CSMD1: variants seen among roughly 807,000 people sequenced by gnomAD.
The protein encoded by CSMD1 is CUB and Sushi multiple domains 1, also known as CUB and sushi domain-containing protein 1.
A neutral mutation model predicts 417.5 loss-of-function variants in CSMD1; 213 were observed. That is an observed-to-expected ratio of 0.51 (90% CI 0.46 to 0.57). The LOEUF (loss-of-function observed/expected upper bound fraction) is 0.57, where lower values mean the gene tolerates loss of function less well. Among genes scored for constraint, CSMD1 ranks in the 20% least tolerant of loss-of-function variants. The pLI, the probability that CSMD1 is intolerant of heterozygous loss-of-function variation, is 0.00. For missense variants in CSMD1, 6,923 were observed against 4,529.7 expected, an observed-to-expected ratio of 1.53 and a Z score of -15.17; for synonymous variants, 2,862 against 1,736.8, an observed-to-expected ratio of 1.65 and a Z score of -16.11.
chr8:4,344,523 A>AAT (rs1426373037), intron 3 of CSMD1, among the ~76,000 whole-genome samples: 2 of 151,080 alleles, frequency 1.3e-5, no homozygotes, highest in Admixed American at 6.6e-5. Context: ...GATTGTCAGA[A>AAT]ATATATATAA....
chr8:4,411,539 T>C (rs551784393), intron 3 of CSMD1, among the ~76,000 whole-genome samples: 2 of 152,322 alleles, frequency 1.3e-5, no homozygotes, highest in Non-Finnish European at 2.9e-5. Flanking sequence ...CTTAACTCTA[T>C]AGTATTCATT....
chr8:4,529,474 T>A (rs1046356567), intron 2 of CSMD1, among the ~76,000 whole-genome samples: 3 of 152,324 alleles, frequency 2.0e-5, no homozygotes, highest in African/African-American at 7.2e-5. Flanking sequence ...ACTCATAAAA[T>A]TTAATGATTT....
intron 25 of CSMD1, among the ~76,000 whole-genome samples, chr8:3,295,959 C>G (rs560502108): frequency 2.0e-5 from 3 of 152,134 alleles, no homozygotes; most frequent in Admixed American, 1.3e-4. Context: ...TTGAGTCCTG[C>G]CTTCGTGGAG....
At chr8:4,166,559 G>T (rs1197833492) in intron 3 of CSMD1, among the ~76,000 whole-genome samples, 2 of 152,150 alleles carry the variant, frequency 1.3e-5, no homozygotes, top group African/African-American at 2.4e-5. Context: ...AAGCAATGAG[G>T]ATACAAAGGC....
At chr8:3,405,243 T>A (rs186193736) in intron 15 of CSMD1, among the ~76,000 whole-genome samples, 315 of 152,330 alleles carry the variant, frequency 2.1e-3, no homozygotes, top group African/African-American at 6.5e-3. Context: ...TTAAGTTTTT[T>A]AAAAATATTT....
At chr8:3,263,833 T>C (rs375839518) in intron 26 of CSMD1, among the ~76,000 whole-genome samples, 2 of 152,244 alleles carry the variant, frequency 1.3e-5, no homozygotes, top group Non-Finnish European at 2.9e-5. Flanking sequence ...ATGTGAAGAT[T>C]AGACATCTGT....
At chr8:3,013,715 G>T (rs117859690) in intron 52 of CSMD1, among the ~76,000 whole-genome samples, 2,324 of 149,912 alleles carry the variant, frequency 0.016, 23 homozygotes, top group East Asian at 0.038. Flanking sequence ...TCACACCACT[G>T]CACTCAGCCT....
intron 1 of CSMD1, among the ~76,000 whole-genome samples, chr8:4,900,637 C>A (rs10089208): frequency 0.032 from 4,876 of 152,244 alleles, 170 homozygotes; most frequent in East Asian, 0.11. Context: ...GCTGTTCATC[C>A]AGCTCCTGTA....
At chr8:3,780,458 T>C (rs2623662) in intron 5 of CSMD1, among the ~76,000 whole-genome samples, 43,123 of 152,116 alleles carry the variant, frequency 0.28, 6,761 homozygotes, top group East Asian at 0.46. Flanking sequence ...ACAACTTTAA[T>C]GGTTCAAAAT....
intron 1 of CSMD1, among the ~76,000 whole-genome samples, chr8:4,761,912 AATCT>A (rs60693169): frequency 0.045 from 4,542 of 100,928 alleles, 116 homozygotes; most frequent in Middle Eastern, 0.051. Context: ...TCTATCTATC[AATCT>A]ATCTATCTAT....
intron 7 of CSMD1, among the ~76,000 whole-genome samples, chr8:3,692,536 T>A (rs1251873241): frequency 1.3e-5 from 2 of 151,866 alleles, no homozygotes; most frequent in Admixed American, 1.3e-4. Flanking sequence ...TCACATCCTG[T>A]GTTCTCTCCT....
Position 3,188,988 on chromosome 8 carries a change from G to C in CSMD1, c.5422C>G (p.Gln1808Glu). 1.2e-6 allele frequency: 2 copies of C among 1,613,272 alleles called. No homozygotes were observed. The highest frequency in any genetic ancestry group is 2.2e-5 in the East Asian group (1 of 44,824). ...CVVPCSGNFT[Q>E]RRGTILSPGY... ...GGGGACAGGATTGTACCTCTTCGTT[G>C]AGTGAAATTGCCACTGCAGGGTACT... Residue 1808 changes from glutamine to glutamate, a missense_variant, in exon 35 of 70, where the codon CAA becomes GAA. Transcript: ENST00000635120.
intron 5 of CSMD1, among the ~76,000 whole-genome samples, chr8:3,871,397 T>C (rs1002699452): frequency 3.9e-5 from 6 of 152,168 alleles, no homozygotes; most frequent in Admixed American, 3.9e-4. Context: ...TGCATTGGTT[T>C]CTTCAACTTG....
intron 3 of CSMD1, among the ~76,000 whole-genome samples, chr8:4,193,143 A>G (rs1799127691): frequency 1.3e-5 from 2 of 152,208 alleles, no homozygotes; most frequent in African/African-American, 2.4e-5. Flanking sequence ...AGACATCTGT[A>G]AAAGATAAGT....
Position 3,555,375 on chromosome 8 carries a change from G to C in CSMD1, c.1344+19570C>G, listed in dbSNP as rs1365426311. ...TCTGGTGTGGTCATTGATGATGACA[G>C]TCTGAACGCTGTAAGAATTTAGCCA... On this transcript the variant is annotated intron_variant, in intron 10 of 69. Coordinates refer to ENST00000635120, the MANE Select transcript of CSMD1 (RefSeq NM_033225.6). Among the ~76,000 whole-genome samples, 3 of 152,240 alleles carry C rather than the reference G, an allele frequency of 2.0e-5. No homozygotes were observed. The East Asian group carries it at 5.8e-4, about 30-fold the overall frequency.
chr8:4,169,476 A>T (rs1483739723), intron 3 of CSMD1, among the ~76,000 whole-genome samples: 1 of 152,110 alleles, frequency 6.6e-6, no homozygotes, highest in Non-Finnish European at 1.5e-5. Context: ...AATCTGACTC[A>T]ATTCTGACCA....
At chr8:3,899,718 G>A (rs766873105) in intron 5 of CSMD1, among the ~76,000 whole-genome samples, 5 of 152,116 alleles carry the variant, frequency 3.3e-5, no homozygotes, top group Admixed American at 1.3e-4. Context: ...AACTGTCCTG[G>A]TAGGCTGGCT....
intron 51 of CSMD1, among the ~76,000 whole-genome samples, chr8:3,023,260 A>G (rs1809591378): frequency 6.6e-6 from 1 of 152,248 alleles, no homozygotes; most frequent in Admixed American, 6.5e-5. Context: ...TGTTCTTTGA[A>G]TATCTACAAT....
intron 1 of CSMD1, among the ~76,000 whole-genome samples, chr8:4,776,547 A>T (rs1796861166): frequency 6.6e-6 from 1 of 152,158 alleles, no homozygotes; most frequent in Non-Finnish European, 1.5e-5. Context: ...TTTCTGTGAA[A>T]TTCCACTACG....
Sources: allele counts gnomAD v4.1 joint callset (sites outside exome capture counted in the v4.1 genomes callset), GRCh38; gene constraint gnomAD v4.1.1; transcripts MANE v1.5; gene names NCBI Gene and HGNC (gene_info 2026-07-23, HGNC 2026-07-21).